The following DNAH6 variants were observed in gnomAD, a reference collection of about 807,000 sequenced individuals.
DNAH6 encodes the protein axonemal beta dynein heavy chain 6.
Under a neutral mutation model 491.4 loss-of-function variants are expected in DNAH6, and 340 were observed. The ratio of observed to expected loss-of-function variants is 0.69; its 90% CI spans 0.63 to 0.76. The LOEUF is 0.76. Among genes scored for constraint, DNAH6 ranks in the 30% least tolerant of loss-of-function variants. DNAH6 has a pLI of 0.00. For missense variants in DNAH6, 4,443 were observed against 4,972.2 expected (o/e 0.89, Z 3.20); for synonymous variants, 1,603 against 1,686.1 (o/e 0.95, Z 1.21).
intron 63 of DNAH6, among the ~76,000 whole-genome samples, chr2:84,749,495 A>G (rs1345458331): frequency 6.6e-6 from 1 of 152,190 alleles, no homozygotes; most frequent in African/African-American, 2.4e-5. Flanking sequence ...GAGGTTGACC[A>G]TGGGTATGGG....
At chr2:84,649,372 GTTC>G (rs1690204708) in intron 33 of DNAH6, among the ~76,000 whole-genome samples, 1 of 152,092 alleles carries the variant, frequency 6.6e-6, no homozygotes, top group Admixed American at 6.5e-5. Flanking sequence ...ATTTTATCAT[GTTC>G]TTTCTTCCTT....
the DNAH6 span, among the ~76,000 whole-genome samples, chr2:84,477,918 A>C: frequency 6.6e-6 from 1 of 152,238 alleles, no homozygotes; most frequent in Non-Finnish European, 1.5e-5. Context: ...CTCTATGCCC[A>C]GTTCTGACAA....
intron 2 of DNAH6, among the ~76,000 whole-genome samples, chr2:84,521,002 T>A (rs906994291): frequency 2.0e-5 from 3 of 152,096 alleles, no homozygotes; most frequent in African/African-American, 7.2e-5. Context: ...CTTTCCACAA[T>A]GGTTGTTATT....
At chr2:84,766,412 A>G (rs977497778) in intron 64 of DNAH6, among the ~76,000 whole-genome samples, 2 of 152,176 alleles carry the variant, frequency 1.3e-5, no homozygotes, top group African/African-American at 2.4e-5. Flanking sequence ...AAAAAAATGC[A>G]CTTCTGCACA....
chr2:84,701,886 G>A (rs1183841161), intron 49 of DNAH6, among the ~76,000 whole-genome samples: 1 of 152,112 alleles, frequency 6.6e-6, no homozygotes, highest in East Asian at 1.9e-4. Context: ...ATGTGCCCCT[G>A]ACAACCTAAA....
At chr2:84,671,183 C>A (rs1201281368) in intron 39 of DNAH6, among the ~76,000 whole-genome samples, 1 of 152,202 alleles carries the variant, frequency 6.6e-6, no homozygotes, top group Non-Finnish European at 1.5e-5. Context: ...ATGGGCCTCT[C>A]TGTGGCTGGT....
At chr2:84,717,059 C>G (rs73943389) in intron 58 of DNAH6, among the ~76,000 whole-genome samples, 5,624 of 152,262 alleles carry the variant, frequency 0.037, 118 homozygotes, top group Middle Eastern at 0.088. Context: ...ACCACAATGC[C>G]TTAGTCCTTC....
chr2:84,730,628 A>AGTTGTGTGTGG (rs1394158758), intron 61 of DNAH6, among the ~76,000 whole-genome samples: 1 of 152,174 alleles, frequency 6.6e-6, no homozygotes, highest in Non-Finnish European at 1.5e-5. Flanking sequence ...CACATTCAAA[A>AGTTGTGTGTGG]CCGTCCTAGG....
intron 21 of DNAH6, among the ~76,000 whole-genome samples, chr2:84,608,716 A>T (rs1460105255): frequency 6.6e-6 from 1 of 152,014 alleles, no homozygotes; most frequent in African/African-American, 2.4e-5. Context: ...GGGCCTTGAG[A>T]TTTTTTGAAT....
At chr2:84,535,418 A>G (rs1385463554) in intron 4 of DNAH6, among the ~76,000 whole-genome samples, 1 of 151,666 alleles carries the variant, frequency 6.6e-6, no homozygotes, top group Admixed American at 6.6e-5. Flanking sequence ...AATGTTATCA[A>G]ATTAACCAGT....
rs1678575790 is a variant in DNAH6 at position 84,544,422 on chromosome 2, A to G, written c.852A>G (p.Val284=). 1.3e-6 allele frequency: 2 copies of G among 1,541,638 alleles called. No individual in the cohort carries two copies. The highest frequency in any genetic ancestry group is 1.8e-6 in the Non-Finnish European group (2 of 1,138,058). ...SLFRKWKAFS[V]WRKNVRSKKI... is the part of the protein sequence containing the mutation. The stretch of plus-strand genomic sequence containing the variant: ...TCCGGAAATGGAAGGCTTTTAGTGT[A>G]TGGAGGAAGAATGTCCGCTCCAAGA... The change falls in exon 5 of 77, where the codon GTA becomes GTG. Residue 284 remains valine (V), a synonymous_variant. Transcript: ENST00000389394.
chr2:84,607,214 G>T, intron 21 of DNAH6, 119 bp downstream of exon 21: 4 of 1,029,366 alleles, frequency 3.9e-6, no homozygotes, highest in Non-Finnish European at 5.6e-6. Flanking sequence ...TTTTAATTGT[G>T]GACATGTTAT....
chr2:84,585,063 T>G (rs1029377911), intron 15 of DNAH6, among the ~76,000 whole-genome samples: 2 of 152,124 alleles, frequency 1.3e-5, no homozygotes, highest in African/African-American at 2.4e-5. Flanking sequence ...AACGTGGAAA[T>G]GTAAAAACAG....
intron 12 of DNAH6, among the ~76,000 whole-genome samples, chr2:84,574,428 C>T (rs1455693301): frequency 6.6e-6 from 1 of 152,138 alleles, no homozygotes; most frequent in Non-Finnish European, 1.5e-5. Context: ...TCCTTAATAT[C>T]TTAACTTATT....
At chr2:84,562,693 C>CTGAAACAAATATGAATTTTTCATAAACGT (rs1680798157) in intron 11 of DNAH6, among the ~76,000 whole-genome samples, 1 of 152,212 alleles carries the variant, frequency 6.6e-6, no homozygotes, top group Non-Finnish European at 1.5e-5. Context: ...AAACCAGGCA[C>CTGAAACAAATATGAATTTTTCATAAACGT]AGCTTCCAAG....
At chr2:84,570,792 T>C (rs1337933154) in intron 11 of DNAH6, among the ~76,000 whole-genome samples, 1 of 152,176 alleles carries the variant, frequency 6.6e-6, no homozygotes, top group Non-Finnish European at 1.5e-5. Context: ...CCTTCCACGC[T>C]GTGGAAGGTT....
chr2:84,472,391 CA>C, the DNAH6 span, among the ~76,000 whole-genome samples: 7 of 151,708 alleles, frequency 4.6e-5, no homozygotes, highest in African/African-American at 1.5e-4. Context: ...TCCCAAAACA[CA>C]AAAGCAAGAT....
chr2:84,694,895 A>G (rs977780740), intron 46 of DNAH6, among the ~76,000 whole-genome samples: 4 of 152,230 alleles, frequency 2.6e-5, no homozygotes, highest in Non-Finnish European at 4.4e-5. Context: ...GATTACATCT[A>G]TATCTACAAC....
chr2:84,536,679 T>G (rs138848727), intron 4 of DNAH6, among the ~76,000 whole-genome samples: 2 of 152,130 alleles, frequency 1.3e-5, no homozygotes, highest in Non-Finnish European at 2.9e-5. Flanking sequence ...GGAGTTTTCA[T>G]CTGTCAGAGA....
Sources: allele counts gnomAD v4.1 joint callset (sites outside exome capture counted in the v4.1 genomes callset), GRCh38; gene constraint gnomAD v4.1.1; transcripts MANE v1.5; gene names NCBI Gene and HGNC (gene_info 2026-07-23, HGNC 2026-07-21).